Variants in CCDC178 observed in about 807,000 individuals in gnomAD.
CCDC178 encodes coiled-coil domain containing 178, also known as coiled-coil domain-containing protein 178.
A neutral mutation model predicts 117.4 loss-of-function variants in CCDC178; 126 were observed. That is an observed-to-expected ratio of 1.07 (90% CI 0.93 to 1.24). The LOEUF (loss-of-function observed/expected upper bound fraction) is 1.24. CCDC178 is among the 50% of genes most tolerant of loss of function. The probability of loss-of-function intolerance (pLI) is 0.00; values close to 1 mark genes in which losing one functional copy is unlikely to be tolerated. For synonymous variants in CCDC178, 283 were observed against 313.4 expected (o/e 0.90, Z 1.02); for missense variants, 1,030 against 986.9 (o/e 1.04, Z -0.59).
chr18:33,322,074 A>G (rs1339726181), intron 11 of CCDC178, among the ~76,000 whole-genome samples: 1 of 152,014 alleles, frequency 6.6e-6, no homozygotes, highest in Non-Finnish European at 1.5e-5. Flanking sequence ...CCAGGAGGAT[A>G]TTAACAACTT....
chr18:33,113,181 T>C (rs2057807133), intron 20 of CCDC178, among the ~76,000 whole-genome samples: 1 of 152,058 alleles, frequency 6.6e-6, no homozygotes, highest in African/African-American at 2.4e-5. Flanking sequence ...AATCATAGTT[T>C]AGTTTTCTTG....
chr18:33,215,795 G>C, intron 18 of CCDC178, 100 bp from the exon 19 acceptor site: 7 of 897,662 alleles, frequency 7.8e-6, no homozygotes, highest in Non-Finnish European at 1.1e-5. Context: ...ACAACTAAAA[G>C]TTAATAGTGG....
At chr18:33,080,849 G>T (rs2057286091) in intron 21 of CCDC178, among the ~76,000 whole-genome samples, 1 of 152,176 alleles carries the variant, frequency 6.6e-6, no homozygotes, top group South Asian at 2.1e-4. Context: ...GTCTAGCATG[G>T]TGACTGCCAC....
intron 11 of CCDC178, among the ~76,000 whole-genome samples, chr18:33,300,823 A>G (rs930726673): frequency 1.3e-5 from 2 of 152,232 alleles, no homozygotes; most frequent in Non-Finnish European, 2.9e-5. Flanking sequence ...AGTGAAATTT[A>G]TATTTAAAAG....
intron 21 of CCDC178, among the ~76,000 whole-genome samples, chr18:33,055,238 T>C (rs1204378601): frequency 2.0e-5 from 3 of 152,318 alleles, no homozygotes; most frequent in South Asian, 4.1e-4. Flanking sequence ...ACTCTGATGA[T>C]AGTTTATTTT....
At chr18:33,207,097 T>C (rs990383595) in intron 20 of CCDC178, among the ~76,000 whole-genome samples, 29 of 152,260 alleles carry the variant, frequency 1.9e-4, no homozygotes, top group African/African-American at 7.0e-4. Flanking sequence ...ACCAGTTAAC[T>C]TGCCAGGGTA....
At chr18:33,409,142 C>G (rs2063818758) in intron 3 of CCDC178, among the ~76,000 whole-genome samples, 2 of 152,150 alleles carry the variant, frequency 1.3e-5, no homozygotes, top group Admixed American at 6.6e-5. Context: ...TTCACCCAAG[C>G]TGGAGTGCAG....
At chr18:33,017,200 A>C (rs1237680118) in intron 21 of CCDC178, among the ~76,000 whole-genome samples, 1 of 151,830 alleles carries the variant, frequency 6.6e-6, no homozygotes, top group Non-Finnish European at 1.5e-5. Flanking sequence ...TTATATATAG[A>C]AAATCTTAAA....
At chr18:33,075,868 C>T (rs180724551) in intron 21 of CCDC178, among the ~76,000 whole-genome samples, 61 of 152,242 alleles carry the variant, frequency 4.0e-4, no homozygotes, top group African/African-American at 1.4e-3. Flanking sequence ...ACTCGGGAGG[C>T]TGAGGCAGGA....
In CCDC178 at chr18:33,191,873, T is replaced by C. The variant is rs183418016; in HGVS notation, c.2238+20023A>G. On this transcript the variant is annotated intron_variant, in intron 20 of 22. Coordinates refer to ENST00000383096, the MANE Select transcript of CCDC178 (RefSeq NM_001105528.4). Reference sequence around the variant, plus strand: ...AAGTAAAAATTATTTTGAGTGATGATATATTATCAACTCCATCAATTTAAG... The same window carrying C: ...AAGTAAAAATTATTTTGAGTGATGACATATTATCAACTCCATCAATTTAAG... Among the ~76,000 whole-genome samples the C allele has an allele frequency of 1.6e-4, 24 of 152,270 alleles. No homozygotes were observed. The East Asian group carries it at 4.4e-3, about 28-fold the overall frequency.
chr18:33,247,872 C>G (rs1442936924), intron 14 of CCDC178, among the ~76,000 whole-genome samples: 1 of 151,664 alleles, frequency 6.6e-6, no homozygotes, highest in East Asian at 1.9e-4. Context: ...AAGCGACATT[C>G]CAGTTGATTT....
chr18:33,344,566 C>A (rs1156687702), intron 9 of CCDC178, among the ~76,000 whole-genome samples: 2 of 151,954 alleles, frequency 1.3e-5, no homozygotes, highest in Non-Finnish European at 2.9e-5. Context: ...AACTACAATA[C>A]CTAAGCACTA....
intron 6 of CCDC178, among the ~76,000 whole-genome samples, chr18:33,362,543 G>C (rs563215771): frequency 1.3e-5 from 2 of 151,928 alleles, no homozygotes; most frequent in South Asian, 4.1e-4. Context: ...TGTTAAATAA[G>C]TAGGTATTTG....
chr18:33,136,553 C>T (rs78591476), intron 20 of CCDC178, among the ~76,000 whole-genome samples: 1 of 152,018 alleles, frequency 6.6e-6, no homozygotes, highest in Non-Finnish European at 1.5e-5. Flanking sequence ...AACAGGGACC[C>T]TAGGGACAGA....
At chr18:33,170,864 G>A (rs1394722867) in intron 20 of CCDC178, among the ~76,000 whole-genome samples, 2 of 151,826 alleles carry the variant, frequency 1.3e-5, no homozygotes, top group Non-Finnish European at 2.9e-5. Context: ...TGTTATTCTG[G>A]CCATTCTTAT....
intron 22 of CCDC178, among the ~76,000 whole-genome samples, chr18:32,949,106 T>C (rs1368706206): frequency 6.6e-6 from 1 of 152,134 alleles, no homozygotes. Context: ...ATGAGAAATC[T>C]GCTGTTAACC....
At chr18:33,397,857 T>C (rs2063659739) in intron 3 of CCDC178, among the ~76,000 whole-genome samples, 1 of 152,116 alleles carries the variant, frequency 6.6e-6, no homozygotes, top group Non-Finnish European at 1.5e-5. Context: ...ATAACTTATG[T>C]AGGAACATAT....
chr18:33,152,461 G>T (rs2058351911), intron 20 of CCDC178, among the ~76,000 whole-genome samples: 1 of 151,852 alleles, frequency 6.6e-6, no homozygotes, highest in African/African-American at 2.4e-5. Flanking sequence ...AAAAGTGGCT[G>T]TGCACTGGGG....
At chr18:33,260,678 T>C (rs1276710277) in intron 14 of CCDC178, among the ~76,000 whole-genome samples, 1 of 152,080 alleles carries the variant, frequency 6.6e-6, no homozygotes, top group Non-Finnish European at 1.5e-5. Context: ...TTTATTGATA[T>C]TTTTCTATGT....
Sources: gnomAD v4.1 joint callset for allele counts (sites outside exome capture counted in the v4.1 genomes callset) on GRCh38, gnomAD v4.1.1 for gene constraint, MANE v1.5 for transcripts, NCBI Gene and HGNC (gene_info 2026-07-23, HGNC 2026-07-21) for gene names.